The following ZNF804B variants were observed in gnomAD, a reference collection of about 807,000 sequenced individuals.
The protein encoded by ZNF804B is zinc finger protein 804B.
In ZNF804B, 80 loss-of-function variants were observed where a neutral mutation model predicts 101.4. The observed-to-expected ratio is 0.79, with a 90% confidence interval of 0.66 to 0.95. The LOEUF is 0.95. ZNF804B is among the 40% of genes least tolerant of loss of function. The pLI is 0.00. For synonymous variants in ZNF804B, 622 were observed against 558.8 expected (o/e 1.11, Z -1.59); for missense variants, 1,673 against 1,561.9 (o/e 1.07, Z -1.20).
At chr7:89,133,667 G>A (rs1790585356) in intron 1 of ZNF804B, among the ~76,000 whole-genome samples, 2 of 152,072 alleles carry the variant, frequency 1.3e-5, no homozygotes, top group Non-Finnish European at 2.9e-5. Flanking sequence ...TCCTAATACA[G>A]TTGAGAATTC....
intron 1 of ZNF804B, among the ~76,000 whole-genome samples, chr7:89,209,540 T>A (rs2115673971): frequency 6.6e-6 from 1 of 152,344 alleles, no homozygotes; most frequent in East Asian, 1.9e-4. Context: ...TCTCCATTAC[T>A]TTAGGAAAAC....
At chr7:88,870,400 A>AAAAAAAAAAAAAAAAAG (rs781332488) in intron 1 of ZNF804B, among the ~76,000 whole-genome samples, 16 of 112,722 alleles carry the variant, frequency 1.4e-4, no homozygotes, top group African/African-American at 3.9e-4. Flanking sequence ...AAAAAAAAAA[A>AAAAAAAAAAAAAAAAAG]AAAAAAAGGT....
chr7:89,325,545 A>G (rs1301281901), intron 2 of ZNF804B, among the ~76,000 whole-genome samples: 4 of 152,178 alleles, frequency 2.6e-5, no homozygotes, highest in Non-Finnish European at 4.4e-5. Flanking sequence ...TTAGATAAAC[A>G]ATACAGAATT....
chr7:88,972,661 A>G (rs1441941237), intron 1 of ZNF804B, among the ~76,000 whole-genome samples: 2 of 151,400 alleles, frequency 1.3e-5, no homozygotes, highest in Non-Finnish European at 3.0e-5. Context: ...TTCAGATTGA[A>G]ATTTTTATCA....
chr7:89,203,007 G>A (rs1788667426), intron 1 of ZNF804B, among the ~76,000 whole-genome samples: 1 of 151,420 alleles, frequency 6.6e-6, no homozygotes, highest in Admixed American at 6.6e-5. Context: ...TCTCTACACA[G>A]CACACACACA....
At chr7:89,123,291 A>T (rs1371219493) in intron 1 of ZNF804B, among the ~76,000 whole-genome samples, 2 of 152,128 alleles carry the variant, frequency 1.3e-5, no homozygotes, top group Non-Finnish European at 2.9e-5. Context: ...AAGCAATTAA[A>T]ATAAAGACCA....
At chr7:88,771,828 C>T (rs114393319) in intron 1 of ZNF804B, among the ~76,000 whole-genome samples, 3,102 of 152,144 alleles carry the variant, frequency 0.02, 100 homozygotes, top group African/African-American at 0.071. Context: ...GAATGGCCCT[C>T]TGTTGAGTTT....
intron 2 of ZNF804B, among the ~76,000 whole-genome samples, chr7:89,234,109 A>T (rs1034961050): frequency 6.6e-6 from 1 of 152,240 alleles, no homozygotes. Flanking sequence ...GTTTTAACTC[A>T]ATATAATTTT....
At chr7:89,111,526 T>C (rs1790218258) in intron 1 of ZNF804B, among the ~76,000 whole-genome samples, 1 of 152,212 alleles carries the variant, frequency 6.6e-6, no homozygotes, top group Non-Finnish European at 1.5e-5. Context: ...TGAATGTCTT[T>C]AGTGAGTTGT....
At chr7:88,771,947 T>A (rs1790071725) in intron 1 of ZNF804B, among the ~76,000 whole-genome samples, 1 of 152,124 alleles carries the variant, frequency 6.6e-6, no homozygotes, top group Non-Finnish European at 1.5e-5. Flanking sequence ...GAAATTTATG[T>A]GAAAATAATA....
intron 1 of ZNF804B, among the ~76,000 whole-genome samples, chr7:89,013,368 AT>A (rs1788493757): frequency 6.6e-6 from 1 of 152,248 alleles, no homozygotes; most frequent in Non-Finnish European, 1.5e-5. Flanking sequence ...AAAATGAGAT[AT>A]TGAATCTACC....
At chr7:88,984,777 C>G (rs1793737338) in intron 1 of ZNF804B, among the ~76,000 whole-genome samples, 1 of 152,036 alleles carries the variant, frequency 6.6e-6, no homozygotes, top group African/African-American at 2.4e-5. Flanking sequence ...TCTTTTTAAA[C>G]TTCTAATTAA....
At chr7:89,283,231 A>G (rs1790127085) in intron 2 of ZNF804B, among the ~76,000 whole-genome samples, 1 of 152,170 alleles carries the variant, frequency 6.6e-6, no homozygotes, top group Admixed American at 6.5e-5. Context: ...ATATTCAAGA[A>G]GAATCTCTAA....
At chr7:88,917,983 T>G (rs1201290179) in intron 1 of ZNF804B, among the ~76,000 whole-genome samples, 1 of 152,176 alleles carries the variant, frequency 6.6e-6, no homozygotes, top group Non-Finnish European at 1.5e-5. Context: ...ATTTGAAATT[T>G]ATCCAGAAAT....
chr7:88,906,870 CT>C (rs1792478304), intron 1 of ZNF804B, among the ~76,000 whole-genome samples: 1 of 151,976 alleles, frequency 6.6e-6, no homozygotes, highest in Non-Finnish European at 1.5e-5. Context: ...CTGTTTAAGT[CT>C]TTTCATAGGT....
chr7:89,171,920 T>G (rs1007536839), intron 1 of ZNF804B, among the ~76,000 whole-genome samples: 1 of 152,140 alleles, frequency 6.6e-6, no homozygotes, highest in African/African-American at 2.4e-5. Flanking sequence ...GGGGGAACTC[T>G]GAGATGCCAA....
In ZNF804B at chr7:89,337,977, AATAT is replaced by A. The variant is rs1378935778; in HGVS notation, c.*946_*949del. On this transcript the variant is annotated 3_prime_UTR_variant, in exon 4 of 4. Coordinates refer to ENST00000333190, the MANE Select transcript of ZNF804B (RefSeq NM_181646.5). ...CATGTTTATTGAGGATATCTTATTA[AATAT>A]CTGGTGTGTTTTATTCAATTGTACT... 6.6e-6 allele frequency among the ~76,000 whole-genome samples: 1 copy of A among 152,056 alleles called. No homozygotes were observed. Among genetic ancestry groups the A allele is most frequent in the Non-Finnish European group, 1.5e-5 (1 of 67,958 alleles).
chr7:88,989,800 A>G (rs1219244896), intron 1 of ZNF804B, among the ~76,000 whole-genome samples: 1 of 152,096 alleles, frequency 6.6e-6, no homozygotes, highest in Non-Finnish European at 1.5e-5. Flanking sequence ...CTGAAGCCCA[A>G]ATGAATCACT....
chr7:89,070,274 G>A (rs1789515961), intron 1 of ZNF804B, among the ~76,000 whole-genome samples: 1 of 152,150 alleles, frequency 6.6e-6, no homozygotes, highest in South Asian at 2.1e-4. Context: ...AACAGCAAAT[G>A]CAAAAGGCGC....
Sources: allele counts gnomAD v4.1 joint callset (sites outside exome capture counted in the v4.1 genomes callset), GRCh38; gene constraint gnomAD v4.1.1; transcripts MANE v1.5; gene names NCBI Gene and HGNC (gene_info 2026-07-23, HGNC 2026-07-21).